The following UBE2D3 variants were observed in gnomAD, a reference collection of about 807,000 sequenced individuals.
The protein encoded by UBE2D3 is ubiquitin-conjugating enzyme E2 D3.
In UBE2D3, 2 loss-of-function variants were observed where a neutral mutation model predicts 22.8. The observed-to-expected ratio is 0.09, with a 90% CI of 0.04 to 0.28. The LOEUF (loss-of-function observed/expected upper bound fraction) is 0.28. Ranked by LOEUF, UBE2D3 falls within the 10% of genes least tolerant of loss-of-function variation. The pLI, the probability that UBE2D3 is intolerant of heterozygous loss-of-function variation, is 1.00. For synonymous variants in UBE2D3, 56 were observed against 60.4 expected (o/e 0.93, Z 0.34); for missense variants, 27 against 182.5 (o/e 0.15, Z 4.91).
At chr4:102,843,024 C>T (rs539989021) in intron 1 of UBE2D3, among the ~76,000 whole-genome samples, 14 of 152,228 alleles carry the variant, frequency 9.2e-5, no homozygotes, top group African/African-American at 1.4e-4. Flanking sequence ...GCAGGAGAAT[C>T]GCTTGAACCT....
At chr4:102,825,849 A>G in intron 2 of UBE2D3, 1 of 449,678 alleles carries the variant, frequency 2.2e-6, no homozygotes, top group South Asian at 1.6e-5. Context: ...CTTCGGGTGA[A>G]AAGCTGCAAC....
intron 4 of UBE2D3, among the ~76,000 whole-genome samples, chr4:102,803,911 C>T (rs1726596177): frequency 6.6e-6 from 1 of 151,758 alleles, no homozygotes; most frequent in African/African-American, 2.4e-5. Flanking sequence ...TGGGATTACA[C>T]ATATGCACCA....
chr4:102,815,949 G>A (rs1728730247), intron 2 of UBE2D3, among the ~76,000 whole-genome samples: 1 of 151,998 alleles, frequency 6.6e-6, no homozygotes. Flanking sequence ...GTACCACTTA[G>A]TACCCAATAG....
At chr4:102,811,717 CA>C (rs1298442936) in intron 2 of UBE2D3, 2 of 415,940 alleles carry the variant, frequency 4.8e-6, no homozygotes, top group Non-Finnish European at 9.3e-6. Flanking sequence ...TACTCATATA[CA>C]AAAGACCAAG....
chr4:102,832,860 T>C (rs112993868), intron 1 of UBE2D3, among the ~76,000 whole-genome samples: 3 of 152,100 alleles, frequency 2.0e-5, no homozygotes, highest in African/African-American at 7.2e-5. Flanking sequence ...AAATTAGGCA[T>C]AGTGGCATGT....
intron 1 of UBE2D3, among the ~76,000 whole-genome samples, chr4:102,838,433 C>T (rs536275240): frequency 6.6e-6 from 1 of 152,280 alleles, no homozygotes; most frequent in East Asian, 1.9e-4. Flanking sequence ...CAGATCAGAT[C>T]TCTGCCTGCT....
At chr4:102,820,735 C>T (rs1307786806) in intron 2 of UBE2D3, among the ~76,000 whole-genome samples, 1 of 151,028 alleles carries the variant, frequency 6.6e-6, no homozygotes, top group Non-Finnish European at 1.5e-5. Context: ...ACAAACAAAA[C>T]AAACAAACAA....
Position 102,799,089 on chromosome 4 carries a change from T to C in UBE2D3, c.398+318A>G, listed in dbSNP as rs572912888. On this transcript the variant is annotated intron_variant, in intron 7 of 7. Transcript: ENST00000453744. Reference sequence around the variant, plus strand: ...AGAAATTTAGACCAAATTTTTACAATAGTACTAACATTTTTGGAAAAACAT... The same window carrying C: ...AGAAATTTAGACCAAATTTTTACAACAGTACTAACATTTTTGGAAAAACAT... The C allele has an allele frequency of 1.6e-5, 19 of 1,212,032 alleles. No homozygotes were observed. In the Middle Eastern group the frequency reaches 1.2e-3, roughly 78 times the overall value. The allele number at this position is 1,212,032 out of a possible 1,614,324, so 75.1% of individuals were successfully genotyped here. A position where few individuals can be genotyped will look rare whatever the true frequency, so the allele number is the denominator to read the frequency against.
chr4:102,844,845 CCTGT>C (rs1190482708), intron 1 of UBE2D3, among the ~76,000 whole-genome samples: 5 of 151,842 alleles, frequency 3.3e-5, no homozygotes, highest in Non-Finnish European at 7.4e-5. Flanking sequence ...ATGGTGAAAC[CCTGT>C]CTCTACTAAA....
chr4:102,829,444 T>A (rs1224364704), upstream of UBE2D3, among the ~76,000 whole-genome samples: 1 of 152,316 alleles, frequency 6.6e-6, no homozygotes, highest in Non-Finnish European at 1.5e-5. Context: ...TTGCTTCCCA[T>A]TTGCTTGATA....
intron 1 of UBE2D3, chr4:102,843,857 A>G (rs1202283153): frequency 2.0e-5 from 3 of 152,158 alleles, no homozygotes; most frequent in African/African-American, 7.2e-5. Context: ...TTCATACCAT[A>G]TAGAGAACAG....
intron 1 of UBE2D3, among the ~76,000 whole-genome samples, chr4:102,853,477 A>G (rs552333608): frequency 7.0e-4 from 106 of 152,310 alleles, no homozygotes; most frequent in African/African-American, 2.3e-3. Flanking sequence ...GCATTCATGT[A>G]GTGGAATACT....
chr4:102,806,903 T>G (rs2110272429), intron 4 of UBE2D3, among the ~76,000 whole-genome samples: 1 of 152,258 alleles, frequency 6.6e-6, no homozygotes, highest in African/African-American at 2.4e-5. Context: ...GAAGGTTTAG[T>G]TTTTAGTCAA....
intron 1 of UBE2D3, chr4:102,827,027 G>C: frequency 1.0e-6 from 1 of 993,670 alleles, no homozygotes; most frequent in Non-Finnish European, 1.2e-6. Flanking sequence ...ACGCCGGGCT[G>C]CTTTCGGTTT....
At chr4:102,799,566 C>A (rs2110246950) in intron 6 of UBE2D3, 66 bp from the exon 7 acceptor site, 3 of 1,258,412 alleles carry the variant, frequency 2.4e-6, no homozygotes, top group South Asian at 1.3e-5. Flanking sequence ...TTTTCTAAAC[C>A]GTGTATTACA....
Position 102,865,349 on chromosome 4 carries a change from G to C in UBE2D3, c.-129+3366C>G, listed in dbSNP as rs112818498. Among the ~76,000 whole-genome samples the C allele has an allele frequency of 3.8e-4, 58 of 151,976 alleles. 1 individual carries two copies. The highest frequency in any genetic ancestry group is 6.8e-3 in the Middle Eastern group (2 of 292). ...TCTACTAAAAATACAAAAATTAGCC[G>C]GGAGTGGTGGCGGGCGCCTGTAGTC... On this transcript the variant is annotated intron_variant, in intron 1 of 7. Coordinates refer to the UBE2D3 transcript ENST00000338145.
rs978775517 is a variant in UBE2D3 at position 102,819,757 on chromosome 4, G to A, written c.24+6728C>T. On this transcript the variant is annotated intron_variant, in intron 2 of 7. Transcript: ENST00000453744. Reference sequence around the variant, plus strand: ...CCAATCTCTACCATCTATTTTGCACGTCATCACACAAAGGTCATACAGAGG... The same window carrying A: ...CCAATCTCTACCATCTATTTTGCACATCATCACACAAAGGTCATACAGAGG... Among the ~76,000 whole-genome samples, 5 of 152,188 alleles carry A rather than the reference G, an allele frequency of 3.3e-5. No homozygotes were observed. In the South Asian group the frequency reaches 6.2e-4, roughly 19 times the overall value.
intron 2 of UBE2D3, among the ~76,000 whole-genome samples, chr4:102,826,273 A>G (rs1270174846): frequency 6.6e-6 from 1 of 152,204 alleles, no homozygotes; most frequent in East Asian, 1.9e-4. Context: ...TGAAGCACTC[A>G]GGATAACACC....
intron 1 of UBE2D3, among the ~76,000 whole-genome samples, chr4:102,858,250 G>A (rs1171330481): frequency 9.2e-5 from 14 of 151,916 alleles, no homozygotes; most frequent in African/African-American, 2.9e-4. Context: ...TTAAAATAGT[G>A]TGTTATCATA....
Sources: allele counts gnomAD v4.1 joint callset (sites outside exome capture counted in the v4.1 genomes callset), GRCh38; gene constraint gnomAD v4.1.1; transcripts MANE v1.5; gene names NCBI Gene and HGNC (gene_info 2026-07-23, HGNC 2026-07-21).